The following ARAP2 variants were observed in gnomAD, a reference collection of about 807,000 sequenced individuals.
ARAP2 encodes ArfGAP with RhoGAP domain, ankyrin repeat and PH domain 2, also known as arf-GAP with Rho-GAP domain, ANK repeat and PH domain-containing protein 2.
Under a neutral mutation model 194.5 loss-of-function variants are expected in ARAP2, and 148 were observed. That is an observed-to-expected ratio of 0.76 (90% CI 0.67 to 0.87). The LOEUF is 0.87. Ranked by LOEUF, ARAP2 falls within the 40% of genes least tolerant of loss-of-function variation. ARAP2 has a pLI of 0.00. For missense variants in ARAP2, 2,128 were observed against 1,989.7 expected, an observed-to-expected ratio of 1.07 and a Z score of -1.32; for synonymous variants, 695 against 683.5, an observed-to-expected ratio of 1.02 and a Z score of -0.26.
intron 6 of ARAP2, among the ~76,000 whole-genome samples, chr4:36,198,155 G>A (rs1743551901): frequency 6.6e-6 from 1 of 152,168 alleles, no homozygotes; most frequent in Admixed American, 6.5e-5. Flanking sequence ...GAGGTCCTGG[G>A]TGGGGAGCTC....
intron 8 of ARAP2, among the ~76,000 whole-genome samples, chr4:36,180,937 A>G (rs1208344812): frequency 6.6e-6 from 1 of 152,198 alleles, no homozygotes; most frequent in African/African-American, 2.4e-5. Context: ...AACACAATAA[A>G]ATAGATTACA....
chr4:36,080,131 A>G, intron 31 of ARAP2, 85 bp downstream of exon 31: 1 of 1,132,362 alleles, frequency 8.8e-7, no homozygotes, highest in South Asian at 1.5e-5. Flanking sequence ...GCTTATTAAA[A>G]ATTCTTTAGA....
chr4:36,123,242 C>T (rs1191096142), intron 22 of ARAP2, among the ~76,000 whole-genome samples: 1 of 151,750 alleles, frequency 6.6e-6, no homozygotes, highest in Non-Finnish European at 1.5e-5. Flanking sequence ...TCTTTAATTA[C>T]ATTGTGGTGC....
In ARAP2 at chr4:36,229,230, T is replaced by C; in HGVS notation, c.257A>G (p.Asn86Ser). Residue 86 changes from asparagine to serine, a missense_variant, in exon 2 of 33, where the codon AAT becomes AGT. Transcript: ENST00000303965. ...IYANVHKTKK[N>S]DDPSKDYHVP... ...ATGGTAATCCTTTGAAGGGTCATCA[T>C]TCTTCTTAGTTTTATGAACATTTGC... is the stretch of plus-strand genomic sequence containing the variant. The C allele has an allele frequency of 6.2e-7, 1 of 1,614,098 alleles. No homozygotes were observed. The highest frequency in any genetic ancestry group is 1.1e-5 in the South Asian group (1 of 91,072).
At chr4:36,108,547 T>C (rs1416232449) in intron 26 of ARAP2, among the ~76,000 whole-genome samples, 1 of 151,970 alleles carries the variant, frequency 6.6e-6, no homozygotes, top group African/African-American at 2.4e-5. Context: ...AGACTAACTA[T>C]TGACATAATA....
chr4:36,165,003 T>C lies in ARAP2; in HGVS notation c.2084A>G (p.Glu695Gly), dbSNP rs767193842. 1 of 1,614,018 alleles carries C rather than the reference T, an allele frequency of 6.2e-7. No individual in the cohort carries two copies. The highest frequency in any genetic ancestry group is 2.2e-5 in the East Asian group (1 of 44,888). Residue 695 changes from glutamate to glycine, a missense_variant, in exon 11 of 33, where the codon GAA becomes GGA. Coordinates refer to ENST00000303965, the MANE Select transcript of ARAP2 (RefSeq NM_015230.4). ...ACAATCTGCACAGCTCCTGTTGGAT[T>C]CATTGAACCAAATCTTCTCAGCTAC... ...YEVAEKIWFNESNRSCADCKA... is the reference protein window; with the variant it reads ...YEVAEKIWFNGSNRSCADCKA...
intron 28 of ARAP2, among the ~76,000 whole-genome samples, chr4:36,084,908 C>A (rs993809384): frequency 3.3e-5 from 5 of 151,780 alleles, no homozygotes; most frequent in Admixed American, 6.6e-5. Flanking sequence ...AGCTAGATTT[C>A]TAGGAATTTA....
In ARAP2 at chr4:36,068,008, C is replaced by T. The variant is rs372813744; in HGVS notation, c.5014G>A (p.Asp1672Asn). 9.9e-6 allele frequency: 16 copies of T among 1,614,056 alleles called. No individual in the cohort carries two copies. In the African/African-American group the frequency reaches 1.5e-4, roughly 15 times the overall value. ...DRNSKATLDS[D>N]HKLPSRVIEE... Reference sequence around the variant, plus strand: ...ATTACCCTTGATGGTAACTTATGATCAGAGTCCAAAGTAGCTTTGCTATTC... The same window carrying T: ...ATTACCCTTGATGGTAACTTATGATTAGAGTCCAAAGTAGCTTTGCTATTC... The change falls in exon 33 of 33, where the codon GAT (aspartate) becomes AAT (asparagine). Residue 1672 changes from aspartate to asparagine, a missense_variant. By Grantham distance (23) the Asp-to-Asn change is conservative. Coordinates refer to ENST00000303965, the MANE Select transcript of ARAP2 (RefSeq NM_015230.4).
intron 26 of ARAP2, among the ~76,000 whole-genome samples, chr4:36,113,091 A>G (rs1048151627): frequency 1.2e-4 from 19 of 152,118 alleles, no homozygotes; most frequent in African/African-American, 3.4e-4. Context: ...CAGAGTGAAG[A>G]TCATCAAATA....
rs1417700400 is a variant in ARAP2, at chr4:36,014,309, GGAAAGAAAGAAAGAGAGAAAGAAA to G, written n.1056+1053_1056+1076del. ...AGAAAGAAAGAAAGAAGAGAAGGAAGGAAAGAAAGAAAGAGAGAAAGAAAGAAAGAAAGAAAGAAAGAAAGAAAG... is the reference window on the plus strand; with the variant it reads ...AGAAAGAAAGAAAGAAGAGAAGGAAGGAAAGAAAGAAAGAAAGAAAGAAAG... On this transcript the variant is annotated intron_variant and non_coding_transcript_variant, in intron 8 of 12. Coordinates refer to the ARAP2 transcript ENST00000503225. Among the ~76,000 whole-genome samples the G allele has an allele frequency of 3.5e-5, 3 of 85,250 alleles. No individual in the cohort carries two copies. The South Asian group carries it at 1.1e-3, about 32-fold the overall frequency. The allele number at this position is 85,250 out of a possible 152,430, so 55.9% of individuals were successfully genotyped here. A position where few individuals can be genotyped will look rare whatever the true frequency, so the allele number is the denominator to read the frequency against.
At chr4:36,232,080 C>T (rs558311837) in intron 1 of ARAP2, among the ~76,000 whole-genome samples, 2 of 152,200 alleles carry the variant, frequency 1.3e-5, no homozygotes, top group Non-Finnish European at 2.9e-5. Context: ...AGGAATCTCA[C>T]TAGGAAACTT....
At chr4:36,049,530 C>G (rs948836051) in intron 3 of ARAP2, among the ~76,000 whole-genome samples, 15 of 152,250 alleles carry the variant, frequency 9.9e-5, no homozygotes, top group Admixed American at 7.2e-4. Context: ...TTACAGACTT[C>G]CTGCAATTGA....
chr4:36,236,032 A>G (rs1222911404), intron 1 of ARAP2, among the ~76,000 whole-genome samples: 1 of 151,906 alleles, frequency 6.6e-6, no homozygotes, highest in African/African-American at 2.4e-5. Context: ...TACAAACATC[A>G]GCCGGGTGTG....
intron 3 of ARAP2, chr4:36,051,924 A>G (rs1339109474): frequency 6.6e-6 from 1 of 152,226 alleles, no homozygotes; most frequent in Non-Finnish European, 1.5e-5. Context: ...CTATATGTTA[A>G]ATATTAATAA....
intron 10 of ARAP2, chr4:36,006,443 A>C (rs555397870): frequency 6.6e-6 from 1 of 152,230 alleles, no homozygotes; most frequent in Non-Finnish European, 1.5e-5. Context: ...AGGTTAAGAC[A>C]TTAGCCTAAG....
At chr4:36,110,226 A>G (rs931697724) in intron 26 of ARAP2, among the ~76,000 whole-genome samples, 7 of 151,860 alleles carry the variant, frequency 4.6e-5, no homozygotes, top group Non-Finnish European at 8.8e-5. Context: ...CTCACATGCA[A>G]TTTGTTTTCT....
intron 19 of ARAP2, 60 bp downstream of exon 19, chr4:36,147,236 A>T: frequency 6.7e-7 from 1 of 1,496,486 alleles, no homozygotes; most frequent in South Asian, 1.2e-5. Flanking sequence ...AATAACAAAA[A>T]ACAAAATCCC....
chr4:36,013,377 A>T (rs1362768460), intron 8 of ARAP2, among the ~76,000 whole-genome samples: 2 of 152,206 alleles, frequency 1.3e-5, no homozygotes, highest in African/African-American at 4.8e-5. Context: ...GTCTCTCCCT[A>T]GAAGAATCTA....
Position 36,187,490 on chromosome 4 carries a change from T to C in ARAP2, c.1639A>G (p.Thr547Ala), listed in dbSNP as rs756131641. The change falls in exon 8 of 33, where the codon ACA (threonine) becomes GCA (alanine). Residue 547 changes from threonine to alanine, a missense_variant. By Grantham distance (58) the Thr-to-Ala change is moderately conservative (BLOSUM62 0). Transcript: ENST00000303965. ...VQGDNKFEVV[T>A]TQRTFVFRVE... ...CTAAAAACAAAAGTTCTTTGTGTTG[T>C]AACAACTTCAAATTTGTTGTCTCCT... The C allele has an allele frequency of 1.8e-5, 28 of 1,525,262 alleles. No homozygotes were observed. Among genetic ancestry groups the C allele is most frequent in the Non-Finnish European group, 2.5e-5 (28 of 1,125,450 alleles). The allele number at this position is 1,525,262 out of a possible 1,614,324, so 94.5% of individuals were successfully genotyped here.
Sources: allele counts gnomAD v4.1 joint callset (sites outside exome capture counted in the v4.1 genomes callset), GRCh38; gene constraint gnomAD v4.1.1; transcripts MANE v1.5; gene names NCBI Gene and HGNC (gene_info 2026-07-23, HGNC 2026-07-21).